The following ATP2B2 variants were observed in gnomAD, a reference collection of about 807,000 sequenced individuals.
ATP2B2 encodes ATPase plasma membrane Ca2+ transporting 2, also known as plasma membrane calcium-transporting ATPase 2.
A neutral mutation model predicts 120.0 loss-of-function variants in ATP2B2; 15 were observed. The observed-to-expected ratio is 0.12, with a 90% CI of 0.08 to 0.19. ATP2B2 has a LOEUF of 0.19. Ranked by LOEUF, ATP2B2 falls within the 10% of genes least tolerant of loss-of-function variation. The pLI is 1.00. For missense variants in ATP2B2, 1,045 were observed against 1,719.8 expected (o/e 0.61, Z 6.94); for synonymous variants, 694 against 700.3 (o/e 0.99, Z 0.14).
intron 1 of ATP2B2, among the ~76,000 whole-genome samples, chr3:10,468,564 G>A (rs2064852281): frequency 6.6e-6 from 1 of 152,232 alleles, no homozygotes; most frequent in African/African-American, 2.4e-5. Context: ...GTTATTTGAG[G>A]GAGTTCATCA....
chr3:10,326,952 A>T lies in ATP2B2; in HGVS notation c.*1862T>A, dbSNP rs553276785. ...CACAGCCATCGTGAGGAGGGTCAGC[A>T]TGAGGAATGGATTTTGCAAGAGAGG... On this transcript the variant is annotated 3_prime_UTR_variant, in exon 23 of 23. Transcript: ENST00000360273. 10 of 398,642 alleles carry T rather than the reference A, an allele frequency of 2.5e-5. No individual in the cohort carries two copies. Among genetic ancestry groups the T allele is most frequent in the Admixed American group, 1.3e-4 (3 of 22,730 alleles). The allele number at this position is 398,642 out of a possible 1,614,324, so 24.7% of individuals were successfully genotyped here.
rs2061352023 is a variant in ATP2B2 at position 10,375,348 on chromosome 3, C to T, written c.1416+82G>A. The T allele has an allele frequency of 7.7e-7, 1 of 1,294,130 alleles. No individual in the cohort carries two copies. Among genetic ancestry groups the T allele is most frequent in the Non-Finnish European group, 1.1e-6 (1 of 904,102 alleles). 80.2% of individuals were successfully genotyped at this position (1,294,130 alleles called of 1,614,324 possible). A position where few individuals can be genotyped will look rare whatever the true frequency, so the allele number is the denominator to read the frequency against. On this transcript the variant is annotated intron_variant, in intron 11 of 22. Transcript: ENST00000360273. The surrounding 1 kb of genome is among the most constrained non-coding windows in gnomAD (Gnocchi z 4.2). ...GGGGCTTCTTCGTTCATCTCCCAAC[C>T]CCAGCACCAGCCCCAGTGATTCCCC...
intron 1 of ATP2B2, among the ~76,000 whole-genome samples, chr3:10,683,613 T>C (rs775740438): frequency 4.0e-5 from 6 of 151,498 alleles, no homozygotes; most frequent in Non-Finnish European, 7.4e-5. Context: ...AGATAAGTGG[T>C]AAATCATTCA....
rs1316631425 is a variant in ATP2B2, at chr3:10,562,837, T to A, written c.-414-28704A>T. On this transcript the variant is annotated intron_variant, in intron 2 of 21. Coordinates refer to the ATP2B2 transcript ENST00000646379. ...AATTATGGAATACCCATCCTTATAA[T>A]CTATGAGGAATATGATTTTCTTTGC... Among the ~76,000 whole-genome samples the A allele has an allele frequency of 2.6e-5, 4 of 152,368 alleles. No homozygotes were observed. In the East Asian group the frequency reaches 5.8e-4, roughly 22 times the overall value.
chr3:10,634,725 T>A (rs983683417), intron 1 of ATP2B2, among the ~76,000 whole-genome samples: 3 of 152,174 alleles, frequency 2.0e-5, no homozygotes, highest in Admixed American at 2.0e-4. Context: ...GAAGAGTGCA[T>A]GAATGCCTTC....
chr3:10,488,558 T>A (rs1436660478), intron 1 of ATP2B2, among the ~76,000 whole-genome samples: 7 of 151,468 alleles, frequency 4.6e-5, no homozygotes, highest in Admixed American at 3.3e-4. Flanking sequence ...TTTCCTTCCT[T>A]CCTTCCGTGG....
intron 2 of ATP2B2, among the ~76,000 whole-genome samples, chr3:10,609,337 C>T (rs1214566874): frequency 2.6e-5 from 4 of 151,980 alleles, no homozygotes; most frequent in Admixed American, 6.6e-5. Flanking sequence ...CACAGAGAGC[C>T]GCTGCTGCAG....
intron 1 of ATP2B2, among the ~76,000 whole-genome samples, chr3:10,465,075 T>C (rs1405035465): frequency 1.3e-5 from 2 of 152,188 alleles, no homozygotes; most frequent in Admixed American, 1.3e-4. Flanking sequence ...AGGGATACCT[T>C]GAAGATACCC....
chr3:10,394,259 G>A (rs1208361070), intron 5 of ATP2B2, among the ~76,000 whole-genome samples: 2 of 152,058 alleles, frequency 1.3e-5, no homozygotes, highest in African/African-American at 4.8e-5. Context: ...AAGCCAAAAC[G>A]ATTCCCAGCC....
chr3:10,412,639 C>A (rs1232582640), intron 2 of ATP2B2, among the ~76,000 whole-genome samples: 1 of 152,134 alleles, frequency 6.6e-6, no homozygotes, highest in African/African-American at 2.4e-5. Flanking sequence ...CCACAGTCTT[C>A]CCCGCAGCAG....
At chr3:10,484,145 C>T (rs1205527143) in intron 1 of ATP2B2, among the ~76,000 whole-genome samples, 1 of 152,154 alleles carries the variant, frequency 6.6e-6, no homozygotes, top group African/African-American at 2.4e-5. Context: ...CTGGCCCTGG[C>T]TTTGGGTTTC....
chr3:10,673,150 C>T (rs912135755), intron 1 of ATP2B2, among the ~76,000 whole-genome samples: 3 of 152,298 alleles, frequency 2.0e-5, no homozygotes, highest in African/African-American at 7.2e-5. Context: ...ACCCAAGGGC[C>T]TTCCCATCAG....
intron 1 of ATP2B2, among the ~76,000 whole-genome samples, chr3:10,700,173 C>T (rs2071796115): frequency 6.6e-6 from 1 of 152,070 alleles, no homozygotes; most frequent in Admixed American, 6.5e-5. Flanking sequence ...CCCACCTCTG[C>T]TTGGAAACTT....
chr3:10,351,776 T>A (rs1420974531), intron 14 of ATP2B2, among the ~76,000 whole-genome samples: 1 of 152,150 alleles, frequency 6.6e-6, no homozygotes, highest in Non-Finnish European at 1.5e-5. Context: ...CACAAAGATA[T>A]GCAAAGGAGA....
intron 1 of ATP2B2, among the ~76,000 whole-genome samples, chr3:10,473,243 C>T (rs1247967537): frequency 6.6e-6 from 1 of 152,232 alleles, no homozygotes; most frequent in East Asian, 1.9e-4. Context: ...CTGATTTGTT[C>T]ACTCCACAGT....
chr3:10,448,284 G>A (rs958131247), intron 2 of ATP2B2, among the ~76,000 whole-genome samples: 1 of 152,200 alleles, frequency 6.6e-6, no homozygotes, highest in East Asian at 1.9e-4. Context: ...GCCCAGCCAC[G>A]CACTAGGCAT....
intron 1 of ATP2B2, among the ~76,000 whole-genome samples, chr3:10,468,792 C>T (rs1369712560): frequency 2.6e-5 from 4 of 152,218 alleles, no homozygotes; most frequent in Non-Finnish European, 1.5e-5. Flanking sequence ...GTCCTGCTTC[C>T]TCTGCCATCT....
chr3:10,499,238 C>A (rs1315482463), intron 1 of ATP2B2, among the ~76,000 whole-genome samples: 1 of 152,230 alleles, frequency 6.6e-6, no homozygotes, highest in Non-Finnish European at 1.5e-5. Context: ...AATACTACCA[C>A]TATCCCATCT....
At chr3:10,434,597 CTG>C (rs1472843583) in intron 2 of ATP2B2, among the ~76,000 whole-genome samples, 1 of 152,226 alleles carries the variant, frequency 6.6e-6, no homozygotes, top group Non-Finnish European at 1.5e-5. Flanking sequence ...GATGAAGAAA[CTG>C]AGGCTCAGAG....
Sources: allele counts gnomAD v4.1 joint callset (sites outside exome capture counted in the v4.1 genomes callset), GRCh38; gene constraint gnomAD v4.1.1; non-coding constraint Gnocchi (gnomAD v3.1); transcripts MANE v1.5; gene names NCBI Gene and HGNC (gene_info 2026-07-23, HGNC 2026-07-21).